LOC400499: variants seen among roughly 807,000 people sequenced by gnomAD.
At chr16:11,447,574 A>G in the LOC400499 span, among the ~76,000 whole-genome samples, 56 of 152,240 alleles carry the variant, frequency 3.7e-4, no homozygotes, top group African/African-American at 9.6e-4. Context: ...CAGCTGCTCA[A>G]TGCATAGCCC....
the LOC400499 span, among the ~76,000 whole-genome samples, chr16:11,397,587 C>A: frequency 2.0e-5 from 3 of 152,130 alleles, no homozygotes; most frequent in Non-Finnish European, 4.4e-5. Flanking sequence ...AATACTTTTA[C>A]TGGAATACAG....
chr16:11,385,038 G>A, the LOC400499 span: 1 of 1,232,178 alleles, frequency 8.1e-7, no homozygotes, highest in Non-Finnish European at 1.0e-6. Context: ...CTGTCCCCCG[G>A]CAGGGAGGAG....
the LOC400499 span, among the ~76,000 whole-genome samples, chr16:11,464,468 C>T: frequency 6.6e-6 from 1 of 152,256 alleles, no homozygotes; most frequent in African/African-American, 2.4e-5. Flanking sequence ...CAGGCGTAAA[C>T]TGGGGCTCTC....
At chr16:11,519,737 C>T in the LOC400499 span, among the ~76,000 whole-genome samples, 3 of 146,356 alleles carry the variant, frequency 2.0e-5, no homozygotes, top group African/African-American at 2.5e-5. Flanking sequence ...TGGAGTTTTG[C>T]TCTTGTTTTC....
At chr16:11,492,944 G>A in the LOC400499 span, among the ~76,000 whole-genome samples, 9 of 152,192 alleles carry the variant, frequency 5.9e-5, no homozygotes, top group East Asian at 1.7e-3. Flanking sequence ...CGTACAGGAT[G>A]TGAAAAAGAA....
chr16:11,506,713 CG>C, the LOC400499 span, among the ~76,000 whole-genome samples: 1 of 152,188 alleles, frequency 6.6e-6, no homozygotes, highest in Non-Finnish European at 1.5e-5. Flanking sequence ...AGGCCCGACT[CG>C]GGGGTTTGCT....
At chr16:11,386,900 A>C in the LOC400499 span, among the ~76,000 whole-genome samples, 1 of 152,098 alleles carries the variant, frequency 6.6e-6, no homozygotes, top group Admixed American at 6.5e-5. Context: ...TGAAGCCCTA[A>C]ACCACCCTCC....
At chr16:11,434,182 C>T in the LOC400499 span, among the ~76,000 whole-genome samples, 9 of 152,028 alleles carry the variant, frequency 5.9e-5, no homozygotes, top group East Asian at 3.9e-4. Context: ...GTTCTTCCAC[C>T]GTTATGAGAG....
At chr16:11,413,668 G>A in the LOC400499 span, among the ~76,000 whole-genome samples, 2 of 152,198 alleles carry the variant, frequency 1.3e-5, no homozygotes, top group Non-Finnish European at 2.9e-5. Flanking sequence ...ACTCTCACGT[G>A]TGACCCAGAG....
chr16:11,376,420 A>T, the LOC400499 span, among the ~76,000 whole-genome samples: 1 of 151,576 alleles, frequency 6.6e-6, no homozygotes. Flanking sequence ...GTGGATATCT[A>T]GTTTTCCCAA....
chr16:11,442,768 T>C, the LOC400499 span, among the ~76,000 whole-genome samples: 1 of 152,176 alleles, frequency 6.6e-6, no homozygotes, highest in African/African-American at 2.4e-5. Context: ...ATCTGCAGGC[T>C]GAATATGGCC....
chr16:11,488,151 C>T, the LOC400499 span, among the ~76,000 whole-genome samples: 1 of 151,304 alleles, frequency 6.6e-6, no homozygotes, highest in Non-Finnish European at 1.5e-5. Context: ...CGTTACCCGC[C>T]TCTTGGTGTA....
At chr16:11,505,840 C>T in the LOC400499 span, among the ~76,000 whole-genome samples, 4 of 151,998 alleles carry the variant, frequency 2.6e-5, no homozygotes, top group Non-Finnish European at 4.4e-5. Flanking sequence ...AGGATAATTG[C>T]GATATCCATC....
chr16:11,381,595 A>C, the LOC400499 span, among the ~76,000 whole-genome samples: 1 of 152,236 alleles, frequency 6.6e-6, no homozygotes, highest in Non-Finnish European at 1.5e-5. Flanking sequence ...AAGCAGCCAT[A>C]GACTACGTAA....
chr16:11,481,426 G>A, the LOC400499 span, among the ~76,000 whole-genome samples: 13 of 152,196 alleles, frequency 8.5e-5, no homozygotes, highest in East Asian at 1.9e-3. Context: ...GGGTTAAAGC[G>A]ATTCTCCTGC....
the LOC400499 span, among the ~76,000 whole-genome samples, chr16:11,515,385 G>T: frequency 6.6e-6 from 1 of 152,028 alleles, no homozygotes; most frequent in African/African-American, 2.4e-5. Flanking sequence ...GAGGCCAGGA[G>T]TTGAAGGCTG....
At chr16:11,444,365 G>A in the LOC400499 span, among the ~76,000 whole-genome samples, 1 of 152,118 alleles carries the variant, frequency 6.6e-6, no homozygotes, top group Non-Finnish European at 1.5e-5. Flanking sequence ...TCGCACCCCT[G>A]CCCTCCAGCC....
At chr16:11,428,501 C>T in the LOC400499 span, among the ~76,000 whole-genome samples, 3 of 152,088 alleles carry the variant, frequency 2.0e-5, no homozygotes, top group African/African-American at 2.4e-5. Context: ...GACCATATGA[C>T]GTAACTTCCT....
the LOC400499 span, chr16:11,396,628 C>A: frequency 1.6e-6 from 2 of 1,232,138 alleles, no homozygotes; most frequent in Non-Finnish European, 2.0e-6. Context: ...GGGAACGCAG[C>A]AGGAGTCCAC....
Sources: gnomAD v4.1 joint callset for allele counts (sites outside exome capture counted in the v4.1 genomes callset) on GRCh38, gnomAD v4.1.1 for gene constraint, MANE v1.5 for transcripts.